Variants in CACNG5 observed in about 807,000 individuals in gnomAD.
CACNG5 encodes the protein calcium voltage-gated channel auxiliary subunit gamma 5, also known as voltage-dependent calcium channel gamma-5 subunit.
CACNG5 carries 18 observed loss-of-function variants against 24.8 expected under a neutral mutation model. That is an observed-to-expected ratio of 0.73 (90% CI 0.50 to 1.08). The LOEUF (loss-of-function observed/expected upper bound fraction) is 1.08, where lower values mean the gene tolerates loss of function less well. CACNG5 is among the 50% of genes least tolerant of loss of function. The pLI, the probability that CACNG5 is intolerant of heterozygous loss-of-function variation, is 0.00. For missense variants in CACNG5, 349 were observed against 367.9 expected (o/e 0.95, Z 0.42); for synonymous variants, 157 against 149.1 (o/e 1.05, Z -0.39).
At chr17:66,849,141 G>A (rs1009863753) in intron 1 of CACNG5, among the ~76,000 whole-genome samples, 8 of 152,172 alleles carry the variant, frequency 5.3e-5, no homozygotes, top group African/African-American at 9.7e-5. Context: ...CTGCCTCTGC[G>A]GAGGGAAATA....
chr17:66,861,605 C>T (rs888672565), intron 1 of CACNG5, among the ~76,000 whole-genome samples: 16 of 152,204 alleles, frequency 1.1e-4, no homozygotes, highest in Non-Finnish European at 2.1e-4. Context: ...TCCTTGCAGG[C>T]TTCTGAAGCC....
At chr17:66,837,118 A>C (rs1351105352) in intron 1 of CACNG5, among the ~76,000 whole-genome samples, 1 of 152,240 alleles carries the variant, frequency 6.6e-6, no homozygotes, top group African/African-American at 2.4e-5. Flanking sequence ...AAGTAAGGTC[A>C]TGAATGAATG....
At chr17:66,843,927 G>A (rs1295674368) in intron 1 of CACNG5, among the ~76,000 whole-genome samples, 2 of 148,376 alleles carry the variant, frequency 1.3e-5, no homozygotes, top group East Asian at 2.1e-4. Context: ...TGGCATGGGG[G>A]ACGCAGCTGG....
intron 1 of CACNG5, among the ~76,000 whole-genome samples, chr17:66,860,592 C>G (rs113282237): frequency 6.8e-6 from 1 of 146,502 alleles, no homozygotes. Context: ...CCCAGATAAA[C>G]AGAAACTGAG....
chr17:66,862,959 T>TA (rs1281546396), intron 1 of CACNG5, among the ~76,000 whole-genome samples: 1 of 150,644 alleles, frequency 6.6e-6, no homozygotes, highest in Admixed American at 6.6e-5. Flanking sequence ...AGAAGGGGTT[T>TA]ACCAGTTCTA....
At chr17:66,865,360 G>A (rs886596745) in intron 1 of CACNG5, among the ~76,000 whole-genome samples, 1 of 151,184 alleles carries the variant, frequency 6.6e-6, no homozygotes, top group African/African-American at 2.4e-5. Flanking sequence ...ATTTCAAATC[G>A]CTGATGTAAG....
intron 1 of CACNG5, among the ~76,000 whole-genome samples, chr17:66,842,797 T>C (rs200743248): frequency 6.6e-6 from 1 of 152,114 alleles, no homozygotes; most frequent in Admixed American, 6.5e-5. Flanking sequence ...CTACGTTGGG[T>C]GTTCACCTTT....
At chr17:66,872,847 A>C (rs1240152477) in intron 1 of CACNG5, among the ~76,000 whole-genome samples, 1 of 152,160 alleles carries the variant, frequency 6.6e-6, no homozygotes. Context: ...ATCAAACGAG[A>C]AGCCTTTATG....
At position 66,880,535 on chromosome 17, in the gene CACNG5, G is replaced by A. The variant is rs368213030; in HGVS notation, c.284-22G>A. On this transcript the variant is annotated intron_variant, in intron 3 of 5. Transcript: ENST00000533854. ...AATCAGGCCTGGAGGCTGACAGGCC[G>A]CCCTTTTGTCCCGTTAATTAGAGAT... 3.7e-5 allele frequency: 59 copies of A among 1,613,934 alleles called. No individual in the cohort carries two copies. The Middle Eastern group carries it at 6.6e-4, about 18-fold the overall frequency.
rs547858418 is a variant in CACNG5 at position 66,891,528 on chromosome 17, C to T, written c.*6288C>T. ...GTTGTCACTAGAACATCTTTGCACA[C>T]GGTCTCTTCTTAAGGCCTGGTCTTC... On this transcript the variant is annotated 3_prime_UTR_variant, in exon 6 of 6. Coordinates refer to ENST00000533854, the MANE Select transcript of CACNG5 (RefSeq NM_145811.3). Among the ~76,000 whole-genome samples, 14 of 152,272 alleles carry T rather than the reference C, an allele frequency of 9.2e-5. No homozygotes were observed. The highest frequency in any genetic ancestry group is 3.1e-4 in the African/African-American group (13 of 41,560).
chr17:66,842,545 A>T (rs568064936), intron 1 of CACNG5, among the ~76,000 whole-genome samples: 1 of 152,182 alleles, frequency 6.6e-6, no homozygotes, highest in Admixed American at 6.5e-5. Flanking sequence ...AAAAAGGCGG[A>T]GTTGATTAGA....
intron 1 of CACNG5, among the ~76,000 whole-genome samples, chr17:66,852,350 A>T (rs1976717781): frequency 1.3e-5 from 2 of 152,198 alleles, no homozygotes; most frequent in South Asian, 4.1e-4. Context: ...CTTAGTCTCC[A>T]TAATCATGTG....
chr17:66,863,902 A>G (rs1275431647), intron 1 of CACNG5, among the ~76,000 whole-genome samples: 1 of 152,138 alleles, frequency 6.6e-6, no homozygotes, highest in Non-Finnish European at 1.5e-5. Context: ...TAAGTGGACG[A>G]TTACTTTCTT....
At chr17:66,852,018 G>C (rs929591190) in intron 1 of CACNG5, among the ~76,000 whole-genome samples, 8 of 152,242 alleles carry the variant, frequency 5.3e-5, no homozygotes, top group African/African-American at 1.9e-4. Flanking sequence ...GAGTAGGAAA[G>C]ATCCACTCTC....
chr17:66,890,784 C>G lies in CACNG5; in HGVS notation c.*5544C>G, dbSNP rs1977332276. 6.6e-6 allele frequency among the ~76,000 whole-genome samples: 1 copy of G among 152,156 alleles called. No homozygotes were observed. Among genetic ancestry groups the G allele is most frequent in the African/African-American group, 2.4e-5 (1 of 41,430 alleles). On this transcript the variant is annotated 3_prime_UTR_variant, in exon 6 of 6. Transcript: ENST00000533854. ...GTGTAGATAAAATCACCTCATCAGG[C>G]TCTATCCCCAGACTCTATACCCAAC...
chr17:66,881,925 T>C (rs528540280), intron 4 of CACNG5, among the ~76,000 whole-genome samples: 6 of 152,040 alleles, frequency 3.9e-5, no homozygotes, highest in African/African-American at 1.4e-4. Context: ...GAAGAGAGAC[T>C]GGGGAAGGCA....
rs141776453 is a variant in CACNG5 at position 66,869,631 on chromosome 17, AG to A, written c.-103-7596del. ...ACTCCCCCATGTAGCTGTAAACTCCAGGGACTAAACTATGACCCTCAAGCCC... is the reference window on the plus strand; with the variant it reads ...ACTCCCCCATGTAGCTGTAAACTCCAGGACTAAACTATGACCCTCAAGCCC... On this transcript the variant is annotated intron_variant, in intron 1 of 5. Coordinates refer to ENST00000533854, the MANE Select transcript of CACNG5 (RefSeq NM_145811.3). Among the ~76,000 whole-genome samples the A allele has an allele frequency of 9.0e-3, 1,368 of 152,276 alleles. 26 individuals carry two copies. Among genetic ancestry groups the A allele is most frequent in the African/African-American group, 0.03 (1,263 of 41,550 alleles).
At chr17:66,869,955 C>T (rs1433772637) in intron 1 of CACNG5, among the ~76,000 whole-genome samples, 2 of 151,936 alleles carry the variant, frequency 1.3e-5, no homozygotes. Flanking sequence ...TGGTGGCAGG[C>T]TCCTGTAATC....
intron 1 of CACNG5, among the ~76,000 whole-genome samples, chr17:66,864,416 A>G (rs763820243): frequency 2.0e-5 from 3 of 152,240 alleles, no homozygotes; most frequent in Admixed American, 1.3e-4. Context: ...GAACTGACAC[A>G]TACCTCAACT....
Sources: allele counts gnomAD v4.1 joint callset (sites outside exome capture counted in the v4.1 genomes callset), GRCh38; gene constraint gnomAD v4.1.1; transcripts MANE v1.5; gene names NCBI Gene and HGNC (gene_info 2026-07-23, HGNC 2026-07-21).